Variants in EVX1 observed in about 807,000 individuals in gnomAD.
EVX1 encodes homeobox even-skipped homolog protein 1.
A neutral mutation model predicts 28.6 loss-of-function variants in EVX1; 19 were observed. The ratio of observed to expected loss-of-function variants is 0.67; its 90% CI spans 0.46 to 0.98. EVX1 has a LOEUF of 0.98. Among genes scored for constraint, EVX1 ranks in the 50% least tolerant of loss-of-function variants. The probability of loss-of-function intolerance (pLI) is 0.00; values close to 1 mark genes in which losing one functional copy is unlikely to be tolerated. For missense variants in EVX1, 660 were observed against 583.0 expected, an observed-to-expected ratio of 1.13 and a Z score of -1.36; for synonymous variants, 324 against 278.2, an observed-to-expected ratio of 1.16 and a Z score of -1.64.
chr7:27,244,434 AC>A (rs1176446701), intron 1 of EVX1: 4 of 970,094 alleles, frequency 4.1e-6, no homozygotes, highest in Non-Finnish European at 4.9e-6. Flanking sequence ...ACCTGCACCT[AC>A]CCCTTACTAT....
chr7:27,245,282 A>G lies in EVX1; in HGVS notation c.662A>G (p.Asn221Ser), dbSNP rs1272976061. ...AGATGTGAGCTGGCGGCCGCCCTAA[A>G]CCTGCCGGAAACCACCATCAAGGTA... ...PRRCELAAAL[N>S]LPETTIKVWF... Residue 221 changes from asparagine (N) to serine (S), a missense_variant, in exon 2 of 3, where the codon AAC (asparagine) becomes AGC (serine). Asn to Ser is a conservative substitution (Grantham distance 46). Transcript: ENST00000496902. 1 of 1,613,080 alleles carries G rather than the reference A, an allele frequency of 6.2e-7. No homozygotes were observed. The highest frequency in any genetic ancestry group is 1.3e-5 in the African/African-American group (1 of 74,928).
rs1470932224 is a variant in EVX1, at chr7:27,246,430, C to T, written c.*5C>T. 1.9e-6 allele frequency: 3 copies of T among 1,589,560 alleles called. No individual in the cohort carries two copies. The highest frequency in any genetic ancestry group is 1.7e-6 in the Non-Finnish European group (2 of 1,174,568). On this transcript the variant is annotated 3_prime_UTR_variant, in exon 3 of 3. Transcript: ENST00000496902. ...GAGGTGCCCCTCACTAGATAAGGGGCCGCCGGCTGGCTGCCGGCTCCATGA... is the reference window on the plus strand; with the variant it reads ...GAGGTGCCCCTCACTAGATAAGGGGTCGCCGGCTGGCTGCCGGCTCCATGA...
intron 1 of EVX1, chr7:27,244,390 C>A: frequency 1.8e-6 from 1 of 564,724 alleles, no homozygotes; most frequent in Non-Finnish European, 2.3e-6. Context: ...AGAAAGACCA[C>A]CCCCTGGTCT....
chr7:27,245,987 T>C lies in EVX1; in HGVS notation c.786T>C (p.His262=), dbSNP rs1217635789. The change falls in exon 3 of 3, where the codon CAT becomes CAC. Residue 262 remains histidine, a synonymous_variant. Coordinates refer to ENST00000496902, the MANE Select transcript of EVX1 (RefSeq NM_001989.5). ...DPAFYTYMMS[H]AAAAGGLPYP... is the part of the protein sequence containing the mutation. ...CCTTCTACACTTACATGATGAGCCA[T>C]GCGGCGGCCGCGGGCGGCCTGCCCT... The C allele has an allele frequency of 6.2e-7, 1 of 1,604,016 alleles. No homozygotes were observed. The highest frequency in any genetic ancestry group is 8.5e-7 in the Non-Finnish European group (1 of 1,179,718).
chr7:27,245,577 T>C (rs1399612478), intron 2 of EVX1, among the ~76,000 whole-genome samples: 1 of 152,186 alleles, frequency 6.6e-6, no homozygotes, highest in Non-Finnish European at 1.5e-5. Context: ...GGACACGCTC[T>C]CTGCGGCCGC....
intron 1 of EVX1, chr7:27,244,464 C>A: frequency 1.0e-6 from 1 of 987,532 alleles, no homozygotes; most frequent in Non-Finnish European, 1.2e-6. Context: ...CGATTTCACC[C>A]AGCCTCCTTC....
In EVX1 at chr7:27,243,457, G is replaced by T. The variant is rs959094532; in HGVS notation, c.427G>T (p.Gly143Trp). 6.3e-7 allele frequency: 1 copy of T among 1,583,074 alleles called. No homozygotes were observed. Among genetic ancestry groups the T allele is most frequent in the Non-Finnish European group, 8.6e-7 (1 of 1,166,452 alleles). Residue 143 changes from glycine (G) to tryptophan (W), a missense_variant and splice_region_variant, in exon 1 of 3, where the codon GGG becomes TGG. Gly to Trp is a radical substitution (Grantham distance 184). Around this residue, in one of 3 missense-constraint regions of EVX1, gnomAD observed 308 missense variants for 256.6 expected, o/e 1.20. Transcript: ENST00000496902. ...GAACGCCGAGTACCAGCACAGCAAA[G>T]GTAGCCACCGTGCCCCTCCGCTCCC... is the stretch of plus-strand genomic sequence containing the variant. Reference protein sequence around the residue: ...TGNAEYQHSKGSGSEALVGSP... With the variant: ...TGNAEYQHSKWSGSEALVGSP...
In EVX1 at chr7:27,247,779, T is replaced by C. The variant is rs1783232901; in HGVS notation, c.*1354T>C. ...CCTTTGAAGCCCAAAGAACTTGCTG[T>C]TATGATTCGTTAACCATATTGCAAT... On this transcript the variant is annotated 3_prime_UTR_variant, in exon 3 of 3. Coordinates refer to ENST00000496902, the MANE Select transcript of EVX1 (RefSeq NM_001989.5). 6.6e-6 allele frequency: 1 copy of C among 152,284 alleles called. No homozygotes were observed. Among genetic ancestry groups the C allele is most frequent in the Admixed American group, 6.5e-5 (1 of 15,286 alleles). 9.4% of individuals were successfully genotyped at this position (152,284 alleles called of 1,614,324 possible). A position where few individuals can be genotyped will look rare whatever the true frequency, so the allele number is the denominator to read the frequency against.
At position 27,245,289 on chromosome 7, in the gene EVX1, G is replaced by T; in HGVS notation, c.669G>T (p.Pro223=). Residue 223 remains proline, a synonymous_variant, in exon 2 of 3, where the codon CCG becomes CCT. Transcript: ENST00000496902. ...RCELAAALNL[P]ETTIKVWFQN... ...AGCTGGCGGCCGCCCTAAACCTGCC[G>T]GAAACCACCATCAAGGTATGCGGGG... The T allele has an allele frequency of 1.9e-6, 3 of 1,613,352 alleles. No individual in the cohort carries two copies. In the African/African-American group the frequency reaches 4.0e-5, roughly 21 times the overall value.
At chr7:27,244,606 C>A in intron 1 of EVX1, 1 of 543,634 alleles carries the variant, frequency 1.8e-6, no homozygotes, top group Non-Finnish European at 2.4e-6. Flanking sequence ...GTTCTGGCAG[C>A]CCGTCACACA....
In EVX1 at chr7:27,246,392, G is replaced by T; in HGVS notation, c.1191G>T (p.Leu397=). The part of the protein sequence containing the change: ...SVLSKASSVA[L]DQREEVPLTR Reference sequence around the variant, plus strand: ...TCAGCAAGGCCTCCTCCGTCGCGCTGGACCAGAGGGAGGAGGTGCCCCTCA... The same window carrying T: ...TCAGCAAGGCCTCCTCCGTCGCGCTTGACCAGAGGGAGGAGGTGCCCCTCA... Residue 397 remains leucine, a synonymous_variant, in exon 3 of 3, where the codon CTG becomes CTT. Coordinates refer to ENST00000496902, the MANE Select transcript of EVX1 (RefSeq NM_001989.5). 1 of 1,601,316 alleles carries T rather than the reference G, an allele frequency of 6.2e-7. No homozygotes were observed. The highest frequency in any genetic ancestry group is 8.5e-7 in the Non-Finnish European group (1 of 1,178,016).
At chr7:27,243,775 G>A (rs1385445459) in intron 1 of EVX1, 1 of 279,730 alleles carries the variant, frequency 3.6e-6, no homozygotes, top group African/African-American at 2.2e-5. Flanking sequence ...GCTCGGGGAA[G>A]ACACTTTCCC....
Position 27,243,621 on chromosome 7 carries a change from G to A in EVX1, c.427+164G>A, listed in dbSNP as rs186975658. Reference sequence around the variant, plus strand: ...TGCGTTCTGGCGGGGGTCTCCTACTGTGTTCTGGCATTGGCGGGACTGAGG... The same window carrying A: ...TGCGTTCTGGCGGGGGTCTCCTACTATGTTCTGGCATTGGCGGGACTGAGG... On this transcript the variant is annotated intron_variant, in intron 1 of 2. Coordinates refer to ENST00000496902, the MANE Select transcript of EVX1 (RefSeq NM_001989.5). The A allele has an allele frequency of 1.0e-3, 763 of 758,126 alleles. 5 individuals are homozygous for A. The highest frequency in any genetic ancestry group is 0.01 in the Middle Eastern group (26 of 2,584). 47.0% of individuals were successfully genotyped at this position (758,126 alleles called of 1,614,324 possible).
chr7:27,244,631 C>A, intron 1 of EVX1: 1 of 373,442 alleles, frequency 2.7e-6, no homozygotes, highest in Non-Finnish European at 3.9e-6. Flanking sequence ...AGCAAGGAAA[C>A]TCTCTGAATG....
chr7:27,243,668 C>A (rs2115494126), intron 1 of EVX1: 2 of 540,404 alleles, frequency 3.7e-6, no homozygotes, highest in Middle Eastern at 4.9e-4. Flanking sequence ...GCCTTGAGTG[C>A]GGGGTGCTGA....
chr7:27,243,431 G>A lies in EVX1; in HGVS notation c.401G>A (p.Gly134Glu). The A allele has an allele frequency of 1.2e-6, 2 of 1,606,526 alleles. No individual in the cohort carries two copies. The highest frequency in any genetic ancestry group is 1.7e-4 in the Middle Eastern group (1 of 6,014). Residue 134 changes from glycine to glutamate, a missense_variant, in exon 1 of 3, where the codon GGG becomes GAG. Gly to Glu is a moderately conservative substitution (Grantham distance 98). Transcript: ENST00000496902. ...EVSCTPDCAT[G>E]NAEYQHSKGS... is the part of the protein sequence containing the mutation. ...AGCTGCACCCCGGACTGCGCCACCGGGAACGCCGAGTACCAGCACAGCAAA... is the reference window on the plus strand; with the variant it reads ...AGCTGCACCCCGGACTGCGCCACCGAGAACGCCGAGTACCAGCACAGCAAA...
Position 27,246,768 on chromosome 7 carries a change from T to A in EVX1, c.*343T>A. On this transcript the variant is annotated 3_prime_UTR_variant, in exon 3 of 3. Coordinates refer to ENST00000496902, the MANE Select transcript of EVX1 (RefSeq NM_001989.5). ...GCAACAGCAACCAATATCCAGTCCC[T>A]CGGCCCCTCGGCCCCTCACCCTCCA... 3.1e-6 allele frequency: 1 copy of A among 324,688 alleles called. No homozygotes were observed. The allele number at this position is 324,688 out of a possible 1,614,324, so 20.1% of individuals were successfully genotyped here. A position where few individuals can be genotyped will look rare whatever the true frequency, so the allele number is the denominator to read the frequency against.
chr7:27,246,721 C>G lies in EVX1; in HGVS notation c.*296C>G. 5 of 447,542 alleles carry G rather than the reference C, an allele frequency of 1.1e-5. No individual in the cohort carries two copies. The highest frequency in any genetic ancestry group is 2.0e-5 in the Non-Finnish European group (5 of 254,192). The allele number at this position is 447,542 out of a possible 1,614,324, so 27.7% of individuals were successfully genotyped here. ...CCCACCAGGGTCGAGGCTGTAGCTCCAAAGCTAAACAAAACTTAGCAGCAA... is the reference window on the plus strand; with the variant it reads ...CCCACCAGGGTCGAGGCTGTAGCTCGAAAGCTAAACAAAACTTAGCAGCAA... On this transcript the variant is annotated 3_prime_UTR_variant, in exon 3 of 3. Coordinates refer to ENST00000496902, the MANE Select transcript of EVX1 (RefSeq NM_001989.5).
Position 27,243,163 on chromosome 7 carries a change from C to T in EVX1, c.133C>T (p.Arg45Cys), listed in dbSNP as rs1044643048. 11 of 1,590,058 alleles carry T rather than the reference C, an allele frequency of 6.9e-6. No individual in the cohort carries two copies. The highest frequency in any genetic ancestry group is 9.4e-6 in the Non-Finnish European group (11 of 1,168,242). The change falls in exon 1 of 3, where the codon CGT becomes TGT. Residue 45 changes from arginine (R) to cysteine (C), a missense_variant. Arg to Cys is a radical substitution (Grantham distance 180). This residue lies in a region of EVX1 where 308 missense variants were observed against 256.6 expected (regional missense o/e 1.20). Coordinates refer to ENST00000496902, the MANE Select transcript of EVX1 (RefSeq NM_001989.5). ...GGAGCCGCCCGAGAAAATGGTGCCC[C>T]GTGGTTGCCTGAGCCCTCGGGCCGT... ...LPEPPEKMVP[R>C]GCLSPRAVPP...
Sources: allele counts gnomAD v4.1 joint callset (sites outside exome capture counted in the v4.1 genomes callset), GRCh38; gene constraint gnomAD v4.1.1; regional missense constraint gnomAD v4.1.1; transcripts MANE v1.5; gene names NCBI Gene and HGNC (gene_info 2026-07-23, HGNC 2026-07-21).